The following PDYN variants were observed in gnomAD, a reference collection of about 807,000 sequenced individuals.
The protein encoded by PDYN is proenkephalin-B.
In PDYN, 5 loss-of-function variants were observed where a neutral mutation model predicts 11.4. The ratio of observed to expected loss-of-function variants is 0.44; its 90% confidence interval spans 0.23 to 0.92. The LOEUF (loss-of-function observed/expected upper bound fraction) is 0.92. Among genes scored for constraint, PDYN ranks in the 40% least tolerant of loss-of-function variants. The probability of loss-of-function intolerance (pLI) is 0.24; values close to 1 mark genes in which losing one functional copy is unlikely to be tolerated. For missense variants in PDYN, 337 were observed against 317.3 expected, an observed-to-expected ratio of 1.06 and a Z score of -0.47; for synonymous variants, 132 against 129.5, an observed-to-expected ratio of 1.02 and a Z score of -0.13.
chr20:1,985,681 C>T (rs1403252163), intron 2 of PDYN, among the ~76,000 whole-genome samples: 2 of 152,160 alleles, frequency 1.3e-5, no homozygotes, highest in East Asian at 3.9e-4. Context: ...GCCCATGTGC[C>T]TCGCTTGAGG....
In PDYN at chr20:1,980,179, G is replaced by T; in HGVS notation, c.*144C>A. The T allele has an allele frequency of 1.2e-6, 1 of 860,404 alleles. No homozygotes were observed. The allele number at this position is 860,404 out of a possible 1,614,324, so 53.3% of individuals were successfully genotyped here. A position where few individuals can be genotyped will look rare whatever the true frequency, so the allele number is the denominator to read the frequency against. ...AGAAATAACATACTCCCACGCAGAA[G>T]AGAGATAGGCTGGGCTTGGATATTT... On this transcript the variant is annotated 3_prime_UTR_variant, in exon 4 of 4. Coordinates refer to ENST00000217305, the MANE Select transcript of PDYN (RefSeq NM_024411.5).
At chr20:1,989,933 C>A (rs951040936) in intron 2 of PDYN, among the ~76,000 whole-genome samples, 2 of 152,114 alleles carry the variant, frequency 1.3e-5, no homozygotes, top group African/African-American at 2.4e-5. Context: ...GTGGACCCTA[C>A]GGGGCAGGGG....
At chr20:1,988,892 C>A (rs1391519053) in intron 2 of PDYN, among the ~76,000 whole-genome samples, 1 of 152,192 alleles carries the variant, frequency 6.6e-6, no homozygotes, top group African/African-American at 2.4e-5. Flanking sequence ...ACCTTGTTGG[C>A]TCTGCCTCCC....
intron 3 of PDYN, among the ~76,000 whole-genome samples, chr20:1,981,408 A>G (rs1461169372): frequency 6.6e-6 from 1 of 152,148 alleles, no homozygotes; most frequent in East Asian, 1.9e-4. Context: ...GAGAGGACAC[A>G]GGAGGGTTCA....
intron 2 of PDYN, among the ~76,000 whole-genome samples, chr20:1,983,553 T>C (rs933152473): frequency 6.6e-6 from 1 of 152,200 alleles, no homozygotes; most frequent in African/African-American, 2.4e-5. Flanking sequence ...GAGGTCTTTG[T>C]CCCTGTGTCC....
At chr20:1,992,014 G>A (rs913382581) in intron 2 of PDYN, among the ~76,000 whole-genome samples, 2 of 152,096 alleles carry the variant, frequency 1.3e-5, no homozygotes, top group African/African-American at 4.8e-5. Flanking sequence ...GGAGAGAAAG[G>A]TCCAACCTCA....
chr20:1,981,090 C>G, intron 3 of PDYN, 132 bp from the exon 4 acceptor site: 1 of 939,522 alleles, frequency 1.1e-6, no homozygotes, highest in South Asian at 1.4e-5. Flanking sequence ...TACCCATGTT[C>G]ATACTACTGG....
chr20:1,990,703 G>A (rs1988395994), intron 2 of PDYN, among the ~76,000 whole-genome samples: 1 of 152,114 alleles, frequency 6.6e-6, no homozygotes, highest in African/African-American at 2.4e-5. Context: ...GCAAGGTTTG[G>A]ATGGAACCGC....
rs1372759408 is a variant in PDYN, at chr20:1,980,713, G to A, written c.375C>T (p.Ser125=). The change falls in exon 4 of 4, where the codon AGC becomes AGT. Residue 125 remains serine, a synonymous_variant. Coordinates refer to ENST00000217305, the MANE Select transcript of PDYN (RefSeq NM_024411.5). ...ISTKENTLSK[S]LEEKLRGLSD... ...AGAGACCCCTGAGCTTCTCCTCCAGGCTCTTGCTCAGAGTGTTCTCCTTTG... is the reference window on the plus strand; with the variant it reads ...AGAGACCCCTGAGCTTCTCCTCCAGACTCTTGCTCAGAGTGTTCTCCTTTG... The A allele has an allele frequency of 6.2e-7, 1 of 1,614,176 alleles. No homozygotes were observed. Among genetic ancestry groups the A allele is most frequent in the East Asian group, 2.2e-5 (1 of 44,876 alleles).
chr20:1,981,733 C>T (rs1254193250), intron 3 of PDYN, among the ~76,000 whole-genome samples: 7 of 151,898 alleles, frequency 4.6e-5, no homozygotes, highest in South Asian at 2.1e-4. Context: ...TGAGACCAGC[C>T]GGGCAGACAT....
At chr20:1,992,174 G>T (rs187796046) in intron 2 of PDYN, among the ~76,000 whole-genome samples, 1 of 152,270 alleles carries the variant, frequency 6.6e-6, no homozygotes, top group East Asian at 1.9e-4. Flanking sequence ...GGTAAAGAAA[G>T]TATGACTCAG....
chr20:1,986,342 G>C (rs142269239), intron 2 of PDYN, among the ~76,000 whole-genome samples: 2 of 152,258 alleles, frequency 1.3e-5, no homozygotes, highest in African/African-American at 4.8e-5. Context: ...CTCATCTCCA[G>C]CCTCCAGCTT....
At position 1,984,623 on chromosome 20, in the gene PDYN, G is replaced by C. The variant is rs186195658; in HGVS notation, c.-19-1520C>G. Among the ~76,000 whole-genome samples, 265 of 152,258 alleles carry C rather than the reference G, an allele frequency of 1.7e-3. 2 individuals carry two copies. Among genetic ancestry groups the C allele is most frequent in the African/African-American group, 6.2e-3 (256 of 41,538 alleles). ...TGTTAAAAGTTGTCTGTTTTGCAGGGCATGGTGGCTTACACCTGTAATCCC... is the reference window on the plus strand; with the variant it reads ...TGTTAAAAGTTGTCTGTTTTGCAGGCCATGGTGGCTTACACCTGTAATCCC... On this transcript the variant is annotated intron_variant, in intron 2 of 3. Transcript: ENST00000217305.
At chr20:1,989,933 C>T (rs951040936) in intron 2 of PDYN, among the ~76,000 whole-genome samples, 3 of 152,114 alleles carry the variant, frequency 2.0e-5, no homozygotes, top group Non-Finnish European at 2.9e-5. Context: ...GTGGACCCTA[C>T]GGGGCAGGGG....
At chr20:1,991,612 T>C (rs1406491673) in intron 2 of PDYN, among the ~76,000 whole-genome samples, 1 of 152,234 alleles carries the variant, frequency 6.6e-6, no homozygotes, top group Non-Finnish European at 1.5e-5. Context: ...TATCACTTTG[T>C]CAGACCCAGC....
chr20:1,984,057 T>G (rs1488156960), intron 2 of PDYN, among the ~76,000 whole-genome samples: 9 of 152,218 alleles, frequency 5.9e-5, no homozygotes, highest in Non-Finnish European at 1.3e-4. Context: ...CTGCTCCTCC[T>G]TTCTATTCTC....
Position 1,980,787 on chromosome 20 carries a change from A to G in PDYN, c.301T>C (p.Ser101Pro). 1 of 1,614,134 alleles carries G rather than the reference A, an allele frequency of 6.2e-7. No individual in the cohort carries two copies. Among genetic ancestry groups the G allele is most frequent in the South Asian group, 1.1e-5 (1 of 91,088 alleles). Residue 101 changes from serine (S) to proline (P), a missense_variant, in exon 4 of 4, where the codon TCA (serine) becomes CCA (proline). Transcript: ENST00000217305. ...PYSELAKLSG[S>P]FLKELEKSKF... ...CTTTTCTCCAGCTCCTTCAGGAATG[A>G]CCCAGAGAGCTTGGCCAGCTCACTG...
At position 1,978,806 on chromosome 20, in the gene PDYN, CA is replaced by C. The variant is rs1208518170; in HGVS notation, c.*1516del. 6.6e-6 allele frequency: 1 copy of C among 152,194 alleles called. No individual in the cohort carries two copies. The highest frequency in any genetic ancestry group is 1.5e-5 in the Non-Finnish European group (1 of 68,036). 9.4% of individuals were successfully genotyped at this position (152,194 alleles called of 1,614,324 possible). On this transcript the variant is annotated 3_prime_UTR_variant, in exon 4 of 4. Transcript: ENST00000217305. Reference sequence around the variant, plus strand: ...TGTACTGGAGGAGCAGGAAATTACACAAGCCTATTAAAGGCTAAGCAAATTC... The same window carrying C: ...TGTACTGGAGGAGCAGGAAATTACACAGCCTATTAAAGGCTAAGCAAATTC...
At chr20:1,992,441 C>G (rs1220425765) in intron 2 of PDYN, 143 bp downstream of exon 2, 3 of 152,452 alleles carry the variant, frequency 2.0e-5, no homozygotes, top group African/African-American at 7.2e-5. Flanking sequence ...GCCTTGGGAA[C>G]CAGTGTGACA....
Sources: allele counts gnomAD v4.1 joint callset (sites outside exome capture counted in the v4.1 genomes callset), GRCh38; gene constraint gnomAD v4.1.1; transcripts MANE v1.5; gene names NCBI Gene and HGNC (gene_info 2026-07-23, HGNC 2026-07-21).